KCNIP4: variants seen among roughly 807,000 people sequenced by gnomAD.
The protein encoded by KCNIP4 is potassium voltage-gated channel interacting protein 4.
In KCNIP4, 12 loss-of-function variants were observed where a neutral mutation model predicts 34.0. That is an observed-to-expected ratio of 0.35 (90% CI 0.23 to 0.57). The LOEUF (loss-of-function observed/expected upper bound fraction) is 0.57. Among genes scored for constraint, KCNIP4 ranks in the 20% least tolerant of loss-of-function variants. The probability of loss-of-function intolerance (pLI) is 0.83; values close to 1 mark genes in which losing one functional copy is unlikely to be tolerated. For missense variants in KCNIP4, 238 were observed against 311.7 expected, an observed-to-expected ratio of 0.76 and a Z score of 1.78; for synonymous variants, 124 against 102.2, an observed-to-expected ratio of 1.21 and a Z score of -1.29.
Position 21,905,367 on chromosome 4 carries a change from G to A in KCNIP4, c.61+43204C>T, listed in dbSNP as rs550448931. Among the ~76,000 whole-genome samples the A allele has an allele frequency of 5.3e-5, 8 of 152,084 alleles. 1 individual carries two copies. The highest frequency in any genetic ancestry group is 7.4e-5 in the Non-Finnish European group (5 of 68,026). On this transcript the variant is annotated intron_variant, in intron 1 of 8. Transcript: ENST00000382152. ...TATGCCAGTTTGGGCTTCATGCAGG[G>A]CTGATGCAGCTTGCACATGGCTATC...
At chr4:21,541,180 C>CAAAA (rs60459395) in intron 1 of KCNIP4, among the ~76,000 whole-genome samples, 23,932 of 106,858 alleles carry the variant, frequency 0.22, 2,634 homozygotes, top group Middle Eastern at 0.32. Flanking sequence ...CAAAAGAAAA[C>CAAAA]AAAAAAAAAA....
rs201730191 is a variant in KCNIP4, at chr4:21,836,914, A to ATTTTTTT, written c.61+111650_61+111656dup. On this transcript the variant is annotated intron_variant, in intron 1 of 8. Transcript: ENST00000382152. Reference sequence around the variant, plus strand: ...TGGAAGCTCAAAAAAGCTGGGATAAATTTTTTTTTTTTTTTTTTTTTGAGA... The same window carrying ATTTTTTT: ...TGGAAGCTCAAAAAAGCTGGGATAAATTTTTTTTTTTTTTTTTTTTTTTTTTTTGAGA... Among the ~76,000 whole-genome samples, 41 of 123,556 alleles carry ATTTTTTT rather than the reference A, an allele frequency of 3.3e-4. 1 individual carries two copies. The highest frequency in any genetic ancestry group is 1.0e-3 in the African/African-American group (30 of 29,962). The allele number at this position is 123,556 out of a possible 152,430, so 81.1% of individuals were successfully genotyped here.
intron 1 of KCNIP4, among the ~76,000 whole-genome samples, chr4:21,435,879 T>C (rs1726900629): frequency 6.6e-6 from 1 of 152,188 alleles, no homozygotes; most frequent in African/African-American, 2.4e-5. Flanking sequence ...TTTAAATTGC[T>C]CTAATCTGCT....
rs930695183 is a variant in KCNIP4 at position 21,373,638 on chromosome 4, A to G, written c.62-490929T>C. Reference sequence around the variant, plus strand: ...TCATGGCCAGGTTCTGGCCCAGTGTAATGATCAACAAGTCATATAATCTTC... The same window carrying G: ...TCATGGCCAGGTTCTGGCCCAGTGTGATGATCAACAAGTCATATAATCTTC... On this transcript the variant is annotated intron_variant, in intron 1 of 8. Transcript: ENST00000382152. Among the ~76,000 whole-genome samples the G allele has an allele frequency of 1.2e-4, 18 of 147,528 alleles. 3 individuals are homozygous for G. The highest frequency in any genetic ancestry group is 4.8e-4 in the African/African-American group (18 of 37,140).
intron 1 of KCNIP4, among the ~76,000 whole-genome samples, chr4:20,999,978 T>C (rs115048125): frequency 0.01 from 1,528 of 152,278 alleles, 24 homozygotes; most frequent in African/African-American, 0.035. Flanking sequence ...CATCCAGCCA[T>C]TGCCAAGGAA....
At chr4:21,805,710 C>A (rs993441433) in intron 1 of KCNIP4, among the ~76,000 whole-genome samples, 1 of 152,126 alleles carries the variant, frequency 6.6e-6, no homozygotes, top group African/African-American at 2.4e-5. Context: ...ATTTTCCCCT[C>A]TATGGAAGAT....
Position 20,863,358 on chromosome 4 carries a change from T to C in KCNIP4, c.164-12691A>G, listed in dbSNP as rs1722417192. On this transcript the variant is annotated intron_variant, in intron 2 of 8. Transcript: ENST00000382152. ...TGACTCAGATTATCGGTCTAGGTGG[T>C]ATCAACTGATTCATCAAGTGCAGGG... Among the ~76,000 whole-genome samples the C allele has an allele frequency of 2.0e-5, 3 of 152,110 alleles. No individual in the cohort carries two copies. In the South Asian group the frequency reaches 6.2e-4, roughly 32 times the overall value.
At chr4:20,920,389 A>G (rs1469853429) in intron 1 of KCNIP4, among the ~76,000 whole-genome samples, 1 of 152,246 alleles carries the variant, frequency 6.6e-6, no homozygotes, top group Non-Finnish European at 1.5e-5. Flanking sequence ...TAATCATTGT[A>G]AAGTACAGTA....
intron 1 of KCNIP4, among the ~76,000 whole-genome samples, chr4:21,555,557 A>G (rs16871408): frequency 0.43 from 65,729 of 151,870 alleles, 14,396 homozygotes; most frequent in East Asian, 0.64. Flanking sequence ...GTGAAGCTGC[A>G]TTAAAGCATG....
At chr4:21,356,897 C>G (rs567554022) in intron 1 of KCNIP4, among the ~76,000 whole-genome samples, 1 of 152,110 alleles carries the variant, frequency 6.6e-6, no homozygotes, top group Non-Finnish European at 1.5e-5. Context: ...GGAGGCATCA[C>G]GCTACCTGAC....
intron 1 of KCNIP4, among the ~76,000 whole-genome samples, chr4:21,308,847 G>C (rs1010590138): frequency 2.6e-5 from 4 of 152,092 alleles, no homozygotes; most frequent in African/African-American, 4.8e-5. Flanking sequence ...AGGAGGGTGA[G>C]AGGCTGTTTC....
rs1560803513 is a variant in KCNIP4 at position 21,200,395 on chromosome 4, TAC to T, written c.62-317688_62-317687del. Among the ~76,000 whole-genome samples the T allele has an allele frequency of 4.9e-5, 3 of 60,776 alleles. 1 individual carries two copies. Among genetic ancestry groups the T allele is most frequent in the African/African-American group, 4.1e-4 (3 of 7,364 alleles). The allele number at this position is 60,776 out of a possible 152,430, so 39.9% of individuals were successfully genotyped here. A position where few individuals can be genotyped will look rare whatever the true frequency, so the allele number is the denominator to read the frequency against. On this transcript the variant is annotated intron_variant, in intron 1 of 8. Transcript: ENST00000382152. ...ACATATATGTGTGTATATATATATA[TAC>T]ATACATATATGTGTGTATATATATA...
At chr4:21,225,234 A>G (rs1758292909) in intron 1 of KCNIP4, among the ~76,000 whole-genome samples, 1 of 152,160 alleles carries the variant, frequency 6.6e-6, no homozygotes, top group South Asian at 2.1e-4. Flanking sequence ...TCAGGTATTC[A>G]GGTTTTCATA....
chr4:21,175,696 T>C (rs1198306634), intron 1 of KCNIP4, among the ~76,000 whole-genome samples: 1 of 152,148 alleles, frequency 6.6e-6, no homozygotes, highest in Non-Finnish European at 1.5e-5. Flanking sequence ...GACTACTAAG[T>C]GACAAAGGGA....
intron 1 of KCNIP4, among the ~76,000 whole-genome samples, chr4:21,428,033 A>G (rs1220893678): frequency 6.6e-6 from 1 of 152,170 alleles, no homozygotes; most frequent in Non-Finnish European, 1.5e-5. Flanking sequence ...TAAAGGAGAG[A>G]GTATTTTTTT....
intron 1 of KCNIP4, among the ~76,000 whole-genome samples, chr4:21,479,467 G>C (rs1731251224): frequency 6.6e-6 from 1 of 152,090 alleles, no homozygotes; most frequent in African/African-American, 2.4e-5. Flanking sequence ...CATGATTAAG[G>C]CTATAAAGCT....
intron 1 of KCNIP4, among the ~76,000 whole-genome samples, chr4:20,908,427 A>ATAC (rs1361730933): frequency 6.6e-6 from 1 of 152,192 alleles, no homozygotes; most frequent in Non-Finnish European, 1.5e-5. Flanking sequence ...AATAGCTTAA[A>ATAC]TACTAACGAT....
chr4:21,569,178 A>G (rs1459771023), intron 1 of KCNIP4, among the ~76,000 whole-genome samples: 1 of 134,826 alleles, frequency 7.4e-6, no homozygotes, highest in Non-Finnish European at 1.5e-5. Context: ...GCTTTAATGG[A>G]GTCTACAAGT....
intron 1 of KCNIP4, among the ~76,000 whole-genome samples, chr4:21,120,433 C>T (rs1311977771): frequency 2.6e-5 from 4 of 152,276 alleles, no homozygotes; most frequent in Admixed American, 2.0e-4. Flanking sequence ...AGTCTGTTCT[C>T]ACACTGCTAT....
Sources: allele counts gnomAD v4.1 joint callset (sites outside exome capture counted in the v4.1 genomes callset), GRCh38; gene constraint gnomAD v4.1.1; transcripts MANE v1.5; gene names NCBI Gene and HGNC (gene_info 2026-07-23, HGNC 2026-07-21).